Variants in TAF1 observed in about 807,000 individuals in gnomAD.
TAF1 encodes TATA-box binding protein associated factor 1.
Under a neutral mutation model 138.5 loss-of-function variants are expected in TAF1, and 2 were observed. That is an observed-to-expected ratio of 0.01 (90% confidence interval 0.01 to 0.05). The LOEUF (loss-of-function observed/expected upper bound fraction) is 0.05. Among genes scored for constraint, TAF1 ranks in the 10% least tolerant of loss-of-function variants. TAF1 has a pLI of 1.00. For missense variants in TAF1, 709 were observed against 1,478.0 expected (o/e 0.48, Z 8.53); for synonymous variants, 437 against 503.2 (o/e 0.87, Z 1.76).
chrX:71,452,237 G>A (rs2038024222), intron 32 of TAF1, among the ~76,000 whole-genome samples: 2 of 109,917 alleles, frequency 1.8e-5, no homozygotes, highest in African/African-American at 6.6e-5. Flanking sequence ...GGCGGCTGCC[G>A]GGCGGAGGGG....
intron 3 of TAF1, among the ~76,000 whole-genome samples, chrX:71,370,632 G>A (rs962213027): frequency 4.5e-5 from 5 of 111,701 alleles, no homozygotes; most frequent in Middle Eastern, 9.2e-3. Context: ...TTACAGGTGT[G>A]AGCCACCCCG....
chrX:71,394,937 TC>T lies in TAF1; in HGVS notation c.3406+694del, dbSNP rs1445384770. On this transcript the variant is annotated intron_variant, in intron 22 of 37. Transcript: ENST00000423759. ...TGTCGAACTCCTGAGCTCAAAGTGA[TC>T]CGCCTGCCTCAGCCTCCCAAAGTGT... 5.3e-5 allele frequency among the ~76,000 whole-genome samples: 6 copies of T among 112,481 alleles called. No individual in the cohort carries two copies. In the East Asian group the frequency reaches 1.7e-3, roughly 31 times the overall value.
chrX:71,456,131 T>C (rs1277643959), intron 34 of TAF1, among the ~76,000 whole-genome samples: 1 of 111,608 alleles, frequency 9.0e-6, no homozygotes, highest in Non-Finnish European at 1.9e-5. Flanking sequence ...AGTTAAAGCC[T>C]GGGTATTAGC....
chrX:71,411,526 T>G (rs142854732), intron 28 of TAF1, among the ~76,000 whole-genome samples: 15 of 111,931 alleles, frequency 1.3e-4, no homozygotes, highest in African/African-American at 4.9e-4. Context: ...TCCAGTTATA[T>G]CTAACGTCAG....
chrX:71,367,155 C>A (rs979161485), intron 1 of TAF1, among the ~76,000 whole-genome samples: 21 of 112,523 alleles, frequency 1.9e-4, no homozygotes. Flanking sequence ...ACGAGCCCCG[C>A]CTCGACGCCT....
intron 32 of TAF1, among the ~76,000 whole-genome samples, chrX:71,450,711 A>T: frequency 8.9e-6 from 1 of 112,409 alleles, no homozygotes; most frequent in Non-Finnish European, 1.9e-5. Context: ...CTTCTTGAGG[A>T]TATGACCTAT....
chrX:71,494,006 G>A (rs1409245767), intron 13 of TAF1, among the ~76,000 whole-genome samples: 2 of 111,331 alleles, frequency 1.8e-5, no homozygotes, highest in Admixed American at 9.6e-5. Flanking sequence ...TATGCCCACC[G>A]TTTTGCACCT....
chrX:71,409,236 G>T (rs751184449), intron 28 of TAF1, among the ~76,000 whole-genome samples: 68 of 107,004 alleles, frequency 6.4e-4, no homozygotes, highest in African/African-American at 2.2e-3. Flanking sequence ...CATTCCTGTT[G>T]CCCAGTAGCC....
intron 32 of TAF1, among the ~76,000 whole-genome samples, chrX:71,448,255 C>T (rs2037789126): frequency 9.0e-6 from 1 of 111,664 alleles, no homozygotes; most frequent in African/African-American, 3.3e-5. Context: ...TGTAGAGGCT[C>T]TATTGTCTTT....
chrX:71,481,251 C>T (rs1032216802), intron 13 of TAF1, among the ~76,000 whole-genome samples: 1 of 111,811 alleles, frequency 8.9e-6, no homozygotes, highest in Non-Finnish European at 1.9e-5. Flanking sequence ...TGCACTCCAG[C>T]CTGGGCAACA....
chrX:71,485,315 C>A (rs1453744017), intron 13 of TAF1, among the ~76,000 whole-genome samples: 2 of 112,139 alleles, frequency 1.8e-5, no homozygotes, highest in African/African-American at 6.5e-5. Flanking sequence ...CATTATTGGT[C>A]CCTGTTTTCA....
In TAF1 at chrX:71,437,649, CAAAAAAA is replaced by C. The variant is rs769364946; in HGVS notation, c.4753+13419_4753+13425del. On this transcript the variant is annotated intron_variant, in intron 32 of 37. Transcript: ENST00000423759. ...GGGCGACAGAATGAGACTCTGTCTC[CAAAAAAA>C]AAAAAAAGAAAAAGAGAAATATTTC... Among the ~76,000 whole-genome samples, 7 of 61,250 alleles carry C rather than the reference CAAAAAAA, an allele frequency of 1.1e-4. No individual in the cohort carries two copies. The South Asian group carries it at 5.3e-3, about 47-fold the overall frequency. 53.2% of individuals were successfully genotyped at this position (61,250 alleles called of 115,157 possible).
intron 13 of TAF1, among the ~76,000 whole-genome samples, chrX:71,477,653 G>A (rs1174350582): frequency 8.9e-6 from 1 of 111,914 alleles, no homozygotes; most frequent in Non-Finnish European, 1.9e-5. Context: ...AACATAAAGG[G>A]CAAATCATAA....
intron 25 of TAF1, among the ~76,000 whole-genome samples, chrX:71,406,110 C>G (rs767677995): frequency 1.3e-4 from 14 of 110,174 alleles, no homozygotes; most frequent in Non-Finnish European, 2.7e-4. Flanking sequence ...GGGTGGATCA[C>G]TTGAGGTCAG....
chrX:71,496,396 C>T (rs1259071627), intron 13 of TAF1, among the ~76,000 whole-genome samples: 2 of 112,214 alleles, frequency 1.8e-5, no homozygotes, highest in Non-Finnish European at 3.8e-5. Flanking sequence ...AGAAGACCTT[C>T]AATGATCAAT....
chrX:71,394,304 G>A (rs1272416472), intron 22 of TAF1, 59 bp downstream of exon 22: 12 of 1,116,053 alleles, frequency 1.1e-5, no homozygotes, highest in Admixed American at 2.9e-5. Context: ...AGGAGCCTAC[G>A]TAACTGCAGA....
At chrX:71,441,885 TC>T (rs1174116314) in intron 32 of TAF1, among the ~76,000 whole-genome samples, 2 of 104,125 alleles carry the variant, frequency 1.9e-5, no homozygotes, top group Non-Finnish European at 3.9e-5. Flanking sequence ...TTCTCATTGA[TC>T]AATTCCCACC....
At chrX:71,449,279 C>T (rs11797853) in intron 32 of TAF1, among the ~76,000 whole-genome samples, 2,664 of 111,181 alleles carry the variant, frequency 0.024, 43 homozygotes, top group East Asian at 0.044. Context: ...CGTGAGCCAC[C>T]GTGCCCGGCC....
At chrX:71,432,731 G>T (rs1459207189) in intron 32 of TAF1, among the ~76,000 whole-genome samples, 1 of 111,811 alleles carries the variant, frequency 8.9e-6, no homozygotes, top group Non-Finnish European at 1.9e-5. Context: ...TATTGCAGAG[G>T]ATTGTGACTA....
Sources: allele counts gnomAD v4.1 joint callset (sites outside exome capture counted in the v4.1 genomes callset), GRCh38; gene constraint gnomAD v4.1.1; transcripts MANE v1.5; gene names NCBI Gene and HGNC (gene_info 2026-07-23, HGNC 2026-07-21).